The following NFIB variants were observed in gnomAD, a reference collection of about 807,000 sequenced individuals.
The protein encoded by NFIB is nuclear factor I B, also known as nuclear factor 1 B-type.
Under a neutral mutation model 61.5 loss-of-function variants are expected in NFIB, and 11 were observed. The ratio of observed to expected loss-of-function variants is 0.18; its 90% CI spans 0.11 to 0.30. NFIB has a LOEUF of 0.30. Ranked by LOEUF, NFIB falls within the 10% of genes least tolerant of loss-of-function variation. The pLI is 1.00. For missense variants in NFIB, 471 were observed against 608.9 expected (o/e 0.77, Z 2.38); for synonymous variants, 260 against 216.5 (o/e 1.20, Z -1.76).
intron 1 of NFIB, among the ~76,000 whole-genome samples, chr9:14,344,104 GAGAA>G (rs942121224): frequency 1.4e-4 from 19 of 133,364 alleles, no homozygotes; most frequent in African/African-American, 4.0e-4. Flanking sequence ...GAGAGAGAGA[GAGAA>G]AGAGAGAGAG....
At chr9:14,333,580 A>C (rs2060847578) in intron 1 of NFIB, among the ~76,000 whole-genome samples, 1 of 152,196 alleles carries the variant, frequency 6.6e-6, no homozygotes, top group Non-Finnish European at 1.5e-5. Context: ...TTAGTCACTG[A>C]AAAGAGTCAC....
At chr9:14,395,423 G>A (rs932287709) in intron 1 of NFIB, among the ~76,000 whole-genome samples, 1 of 151,992 alleles carries the variant, frequency 6.6e-6, no homozygotes, top group Non-Finnish European at 1.5e-5. Flanking sequence ...AAGGGCAGTA[G>A]TGTCCCAATA....
Position 14,307,591 on chromosome 9 carries a change from AAAGAAGACCAC to A in NFIB, c.31-82_31-72del. 2 of 1,414,928 alleles carry A rather than the reference AAAGAAGACCAC, an allele frequency of 1.4e-6. No homozygotes were observed. Among genetic ancestry groups the A allele is most frequent in the Non-Finnish European group, 1.9e-6 (2 of 1,064,398 alleles). 87.6% of individuals were successfully genotyped at this position (1,414,928 alleles called of 1,614,324 possible). On this transcript the variant is annotated intron_variant, in intron 1 of 10. Coordinates refer to ENST00000380953, the MANE Select transcript of NFIB (RefSeq NM_001190737.2). The surrounding 1 kb of genome is among the most constrained non-coding windows in gnomAD (Gnocchi z 5.3). ...AATTTTAAAAGCTCAAAAAATAAGA[AAAGAAGACCAC>A]AACCCGTTTCCAATTCAGTACAAAA...
chr9:14,372,279 A>C (rs577807402), intron 1 of NFIB, among the ~76,000 whole-genome samples: 3 of 152,254 alleles, frequency 2.0e-5, no homozygotes, highest in African/African-American at 7.2e-5. Flanking sequence ...ATTTCCTGGT[A>C]CTAACCAACC....
the NFIB span, among the ~76,000 whole-genome samples, chr9:14,459,123 AAGG>A: frequency 0.043 from 6,494 of 152,176 alleles, 193 homozygotes; most frequent in South Asian, 0.14. Flanking sequence ...ACTATACTAC[AAGG>A]TTACAGTAAT....
chr9:14,145,323 C>T (rs975131067), intron 6 of NFIB, among the ~76,000 whole-genome samples: 3 of 152,142 alleles, frequency 2.0e-5, no homozygotes, highest in Non-Finnish European at 2.9e-5. Flanking sequence ...CCCTCTTCAG[C>T]CCCTCACTTC....
intron 3 of NFIB, among the ~76,000 whole-genome samples, chr9:14,170,070 T>C (rs1370220964): frequency 1.3e-5 from 2 of 152,198 alleles, no homozygotes; most frequent in Non-Finnish European, 2.9e-5. Context: ...TGTACTCTCT[T>C]TTTAAACATT....
At position 14,081,863 on chromosome 9, in the gene NFIB, A is replaced by T. The variant is rs2031993587; in HGVS notation, c.*6446T>A. The T allele has an allele frequency of 5.4e-6, 1 of 185,202 alleles. No individual in the cohort carries two copies. Among genetic ancestry groups the T allele is most frequent in the East Asian group, 8.7e-5 (1 of 11,438 alleles). 11.5% of individuals were successfully genotyped at this position (185,202 alleles called of 1,614,324 possible). On this transcript the variant is annotated 3_prime_UTR_variant, in exon 11 of 11. Coordinates refer to ENST00000380953, the MANE Select transcript of NFIB (RefSeq NM_001190737.2). ...GAGGCCAGAGTCTGTAGCATAGCTC[A>T]TTTTATTGTTTAAACAGTTTTTGCA...
chr9:14,326,189 A>G (rs2060749952), intron 1 of NFIB, among the ~76,000 whole-genome samples: 1 of 152,200 alleles, frequency 6.6e-6, no homozygotes, highest in Non-Finnish European at 1.5e-5. Context: ...TCATGGTAAT[A>G]ATTTGTATTA....
At chr9:14,526,154 T>A in the NFIB span, among the ~76,000 whole-genome samples, 1 of 152,132 alleles carries the variant, frequency 6.6e-6, no homozygotes, top group Admixed American at 6.6e-5. Context: ...ATATCCATTA[T>A]GTTCTAACCT....
At chr9:14,128,334 A>C (rs2039954159) in intron 6 of NFIB, among the ~76,000 whole-genome samples, 1 of 152,252 alleles carries the variant, frequency 6.6e-6, no homozygotes, top group South Asian at 2.1e-4. Flanking sequence ...TTTCAAGTAA[A>C]ATGTAACTGG....
chr9:14,210,946 G>A (rs2131722765), intron 2 of NFIB, among the ~76,000 whole-genome samples: 1 of 152,256 alleles, frequency 6.6e-6, no homozygotes, highest in East Asian at 1.9e-4. Flanking sequence ...GGAAAGTAAA[G>A]GAAAGTCTAA....
intron 1 of NFIB, among the ~76,000 whole-genome samples, chr9:14,342,846 A>G (rs1056020812): frequency 1.3e-5 from 2 of 152,118 alleles, no homozygotes; most frequent in African/African-American, 2.4e-5. Flanking sequence ...CCTTATCACC[A>G]AGCAACCAAA....
upstream of NFIB, among the ~76,000 whole-genome samples, chr9:14,403,981 C>A (rs1428411802): frequency 6.6e-6 from 1 of 152,190 alleles, no homozygotes. Context: ...AAAAAATTAA[C>A]TTTCAGACTT....
At chr9:14,473,251 T>C in the NFIB span, among the ~76,000 whole-genome samples, 6 of 152,226 alleles carry the variant, frequency 3.9e-5, no homozygotes, top group Admixed American at 1.3e-4. Context: ...GTAAATGTTA[T>C]ACATACAACC....
intron 1 of NFIB, among the ~76,000 whole-genome samples, chr9:14,374,658 C>G (rs1056132161): frequency 2.6e-5 from 4 of 152,104 alleles, no homozygotes; most frequent in African/African-American, 4.8e-5. Flanking sequence ...GCCTGTAGTC[C>G]CAGCACTTTG....
At chr9:14,262,607 G>C (rs1316207161) in intron 2 of NFIB, among the ~76,000 whole-genome samples, 1 of 152,116 alleles carries the variant, frequency 6.6e-6, no homozygotes, top group Non-Finnish European at 1.5e-5. Flanking sequence ...AGGAAAAGGA[G>C]CCACAATTTA....
In NFIB at chr9:14,086,787, TTTTTTTGTTTTTTG is replaced by T. The variant is rs1208856202; in HGVS notation, c.*1508_*1521del. 4.8e-6 allele frequency: 1 copy of T among 207,662 alleles called. No homozygotes were observed. Among genetic ancestry groups the T allele is most frequent in the African/African-American group, 2.3e-5 (1 of 43,984 alleles). 12.9% of individuals were successfully genotyped at this position (207,662 alleles called of 1,614,324 possible). A position where few individuals can be genotyped will look rare whatever the true frequency, so the allele number is the denominator to read the frequency against. On this transcript the variant is annotated 3_prime_UTR_variant, in exon 11 of 11. Coordinates refer to ENST00000380953, the MANE Select transcript of NFIB (RefSeq NM_001190737.2). ...ACTTTGTTGTATTTTTTTGTTTTTTTTTTTTTGTTTTTTGTTTTTTAGATTTCAAGGCAAGGCAC... is the reference window on the plus strand; with the variant it reads ...ACTTTGTTGTATTTTTTTGTTTTTTTTTTTTTAGATTTCAAGGCAAGGCAC...
chr9:14,334,974 A>G (rs147679301), intron 1 of NFIB, among the ~76,000 whole-genome samples: 1 of 152,214 alleles, frequency 6.6e-6, no homozygotes, highest in Admixed American at 6.5e-5. Flanking sequence ...TTCTTTCAGC[A>G]TAATTATTTT....
Sources: allele counts gnomAD v4.1 joint callset (sites outside exome capture counted in the v4.1 genomes callset), GRCh38; gene constraint gnomAD v4.1.1; non-coding constraint Gnocchi (gnomAD v3.1); transcripts MANE v1.5; gene names NCBI Gene and HGNC (gene_info 2026-07-23, HGNC 2026-07-21).